Variants in RANBP2 observed in about 807,000 individuals in gnomAD.
The protein encoded by RANBP2 is E3 SUMO-protein ligase RanBP2.
RANBP2 carries 57 observed loss-of-function variants against 303.6 expected under a neutral mutation model. That is an observed-to-expected ratio of 0.19 (90% CI 0.15 to 0.23). The LOEUF (loss-of-function observed/expected upper bound fraction) is 0.23, where lower values mean the gene tolerates loss of function less well. RANBP2 is among the 10% of genes least tolerant of loss of function. The probability of loss-of-function intolerance (pLI) is 1.00; values close to 1 mark genes in which losing one functional copy is unlikely to be tolerated. For synonymous variants in RANBP2, 1,167 were observed against 1,301.5 expected, an observed-to-expected ratio of 0.90 and a Z score of 2.23; for missense variants, 3,138 against 3,780.8, an observed-to-expected ratio of 0.83 and a Z score of 4.46.
the RANBP2 span, chr2:108,883,035 A>G: frequency 7.9e-5 from 12 of 152,336 alleles, no homozygotes; most frequent in East Asian, 2.3e-3. Context: ...TCGAGATTAA[A>G]CACTGAATTC....
At chr2:109,708,467 G>A in the RANBP2 span, among the ~76,000 whole-genome samples, 4 of 152,088 alleles carry the variant, frequency 2.6e-5, 1 homozygote, top group East Asian at 1.9e-4. Flanking sequence ...AGAGCAGCCC[G>A]GGCAACATGG....
At chr2:109,282,194 A>G in the RANBP2 span, among the ~76,000 whole-genome samples, 10 of 152,104 alleles carry the variant, frequency 6.6e-5, no homozygotes, top group Non-Finnish European at 8.8e-5. Flanking sequence ...TCTTGTTGCC[A>G]TGAGTGTTTA....
chr2:109,194,650 A>T, the RANBP2 span, among the ~76,000 whole-genome samples: 1 of 152,176 alleles, frequency 6.6e-6, no homozygotes, highest in Non-Finnish European at 1.5e-5. Context: ...ACAGGAAGAG[A>T]TGGGTTTGGT....
At chr2:109,315,447 G>A in the RANBP2 span, among the ~76,000 whole-genome samples, 47,452 of 152,130 alleles carry the variant, frequency 0.31, 9,167 homozygotes, top group African/African-American at 0.55. Flanking sequence ...GCAATAGCTT[G>A]TGTCTGTAGA....
chr2:109,414,548 A>G, the RANBP2 span, among the ~76,000 whole-genome samples: 2 of 152,170 alleles, frequency 1.3e-5, no homozygotes, highest in Non-Finnish European at 2.9e-5. Flanking sequence ...TACGGTCACA[A>G]ACACAGGTCA....
chr2:108,811,100 CTTTTTTT>C, the RANBP2 span, among the ~76,000 whole-genome samples: 119,259 of 149,480 alleles, frequency 0.8, 47,796 homozygotes, highest in East Asian at 0.95. Flanking sequence ...TTTTTCTTTT[CTTTTTTT>C]TTTTCTTTTT....
chr2:109,315,970 C>A, the RANBP2 span, among the ~76,000 whole-genome samples: 1 of 152,100 alleles, frequency 6.6e-6, no homozygotes. Context: ...TAGCAGAAGT[C>A]TTTTTGGTCT....
chr2:109,527,439 A>G, the RANBP2 span, among the ~76,000 whole-genome samples: 4 of 152,290 alleles, frequency 2.6e-5, no homozygotes, highest in East Asian at 5.8e-4. Flanking sequence ...CCCACACCTG[A>G]GATGTGTCTC....
the RANBP2 span, among the ~76,000 whole-genome samples, chr2:109,060,067 G>C: frequency 6.6e-6 from 1 of 152,150 alleles, no homozygotes; most frequent in Non-Finnish European, 1.5e-5. Flanking sequence ...TTTTGACAAT[G>C]TGTCTTTTTG....
At chr2:109,615,575 G>T in the RANBP2 span, 8 of 1,614,090 alleles carry the variant, frequency 5.0e-6, no homozygotes, top group East Asian at 2.2e-5. Context: ...TGCTGGTGGG[G>T]GCCTACGACG....
chr2:108,775,057 T>C (rs1407117950), intron 23 of RANBP2, among the ~76,000 whole-genome samples: 1 of 152,174 alleles, frequency 6.6e-6, no homozygotes, highest in Non-Finnish European at 1.5e-5. Context: ...CTAGTATAAG[T>C]ATTTAATTCT....
chr2:109,244,865 G>A, the RANBP2 span, among the ~76,000 whole-genome samples: 1 of 152,226 alleles, frequency 6.6e-6, no homozygotes, highest in Admixed American at 6.5e-5. Flanking sequence ...ACTGCAGCCT[G>A]TGCCATCGTC....
chr2:109,313,703 T>G, the RANBP2 span: 3 of 155,006 alleles, frequency 1.9e-5, no homozygotes, highest in African/African-American at 4.8e-5. Flanking sequence ...GAGAGACTGA[T>G]TCTCTGTAGG....
the RANBP2 span, among the ~76,000 whole-genome samples, chr2:108,976,261 ACAGGTGTTTTGTAGAATCCTCCT>A: frequency 6.6e-6 from 1 of 152,164 alleles, no homozygotes; most frequent in Non-Finnish European, 1.5e-5. Flanking sequence ...GGAGCACTGG[ACAGGTGTTTTGTAGAATCCTCCT>A]CAACTGAGAG....
chr2:109,251,422 A>G, the RANBP2 span: 1 of 707,188 alleles, frequency 1.4e-6, no homozygotes, highest in South Asian at 1.4e-5. Context: ...AGTAGACACC[A>G]TGAGCAAAGC....
chr2:109,516,424 A>G, the RANBP2 span, among the ~76,000 whole-genome samples: 1 of 152,350 alleles, frequency 6.6e-6, no homozygotes, highest in South Asian at 2.1e-4. Context: ...CTGGCACAGA[A>G]GCACGGGCCT....
At chr2:109,636,792 G>A in the RANBP2 span, among the ~76,000 whole-genome samples, 2 of 152,054 alleles carry the variant, frequency 1.3e-5, no homozygotes, top group East Asian at 3.9e-4. Flanking sequence ...ATAAAAATTA[G>A]CCAGGCGTGT....
the RANBP2 span, among the ~76,000 whole-genome samples, chr2:109,108,122 G>A: frequency 6.6e-6 from 1 of 152,190 alleles, no homozygotes; most frequent in South Asian, 2.1e-4. Flanking sequence ...AGCCAGGATG[G>A]TCTCGATCTC....
the RANBP2 span, chr2:108,896,642 G>A: frequency 2.1e-6 from 1 of 483,948 alleles, no homozygotes; most frequent in Non-Finnish European, 3.7e-6. Context: ...TGGTGGGCTG[G>A]TGGGCTGGCT....
Sources: gnomAD v4.1 joint callset for allele counts (sites outside exome capture counted in the v4.1 genomes callset) on GRCh38, gnomAD v4.1.1 for gene constraint, MANE v1.5 for transcripts, NCBI Gene and HGNC (gene_info 2026-07-23, HGNC 2026-07-21) for gene names.